TAPBPL: variants seen among roughly 807,000 people sequenced by gnomAD.
TAPBPL encodes tapasin-related protein.
TAPBPL carries 32 observed loss-of-function variants against 44.8 expected under a neutral mutation model. The ratio of observed to expected loss-of-function variants is 0.71; its 90% CI spans 0.54 to 0.96. TAPBPL has a LOEUF of 0.96. Among genes scored for constraint, TAPBPL ranks in the 40% least tolerant of loss-of-function variants. TAPBPL has a pLI of 0.00. For synonymous variants in TAPBPL, 230 were observed against 240.7 expected (o/e 0.96, Z 0.41); for missense variants, 520 against 586.6 (o/e 0.89, Z 1.17).
downstream of TAPBPL, among the ~76,000 whole-genome samples, chr12:6,468,713 C>G (rs1322355223): frequency 1.3e-5 from 2 of 152,146 alleles, no homozygotes; most frequent in Admixed American, 6.6e-5. Flanking sequence ...AGTGTGTGGT[C>G]TTCAAGACAA....
intron 6 of TAPBPL, 24 bp from the exon 7 acceptor site, chr12:6,462,010 C>A: frequency 6.3e-7 from 1 of 1,597,540 alleles, no homozygotes; most frequent in Non-Finnish European, 8.6e-7. Context: ...CACGCAACTT[C>A]CTGTCTTCAC....
chr12:6,452,374 C>T, intron 1 of TAPBPL, 62 bp downstream of exon 1: 1 of 1,533,576 alleles, frequency 6.5e-7, no homozygotes, highest in Non-Finnish European at 8.8e-7. Context: ...CAGGGTGCCA[C>T]CCTCCCCGAG....
At chr12:6,462,761 G>C, downstream of TAPBPL, 1 of 1,486,806 alleles carries the variant, frequency 6.7e-7, no homozygotes, top group South Asian at 1.3e-5. Flanking sequence ...TAGGCAAGGA[G>C]GAGCCCAGAG....
At chr12:6,462,985 G>T, downstream of TAPBPL, 1 of 1,551,190 alleles carries the variant, frequency 6.4e-7, no homozygotes, top group Non-Finnish European at 8.7e-7. Context: ...CGTGGACCGA[G>T]GGAAGAAGGA....
downstream of TAPBPL, among the ~76,000 whole-genome samples, chr12:6,468,986 GACTAATTACAATAGA>G (rs1945701229): frequency 6.6e-6 from 1 of 152,142 alleles, no homozygotes; most frequent in Admixed American, 6.5e-5. Flanking sequence ...GAAATTATTT[GACTAATTACAATAGA>G]ACTAATACCC....
At chr12:6,464,468 T>A, downstream of TAPBPL, 1 of 1,548,154 alleles carries the variant, frequency 6.5e-7, no homozygotes, top group East Asian at 2.4e-5. Context: ...GGTGGTACAT[T>A]CTCAAGTAAA....
At chr12:6,464,084 G>A, downstream of TAPBPL, 1 of 1,305,350 alleles carries the variant, frequency 7.7e-7, no homozygotes, top group Non-Finnish European at 1.0e-6. Context: ...AGGTTTTCTA[G>A]AAGTCACCAT....
chr12:6,453,040 G>A lies in TAPBPL; in HGVS notation c.65-27G>A, dbSNP rs375771929. 25 of 1,547,058 alleles carry A rather than the reference G, an allele frequency of 1.6e-5. No homozygotes were observed. The highest frequency in any genetic ancestry group is 1.4e-4 in the South Asian group (12 of 84,412). On this transcript the variant is annotated intron_variant, in intron 1 of 6. Transcript: ENST00000266556. This position sits in a 1 kb window ranked among gnomAD's most constrained non-coding sequence, Gnocchi z 4.8. Reference sequence around the variant, plus strand: ...TGTGGAGTAGCTTTCTGGGGAAGGCGGTGCTCACCCCAGCCTTTGTCTGCA... The same window carrying A: ...TGTGGAGTAGCTTTCTGGGGAAGGCAGTGCTCACCCCAGCCTTTGTCTGCA...
chr12:6,464,854 C>G (rs1205415365), downstream of TAPBPL: 1 of 1,613,750 alleles, frequency 6.2e-7, no homozygotes, highest in African/African-American at 1.3e-5. Context: ...GACCTTCCCA[C>G]CTCTTCACCC....
downstream of TAPBPL, chr12:6,464,474 G>C: frequency 6.5e-7 from 1 of 1,541,884 alleles, no homozygotes; most frequent in Non-Finnish European, 8.7e-7. Context: ...ACATTCTCAA[G>C]TAAAAAAGTA....
downstream of TAPBPL, chr12:6,464,886 T>C (rs149726934): frequency 6.2e-7 from 1 of 1,613,978 alleles, no homozygotes; most frequent in African/African-American, 1.3e-5. Flanking sequence ...TCAGCGATAC[T>C]TACTTACAAT....
At chr12:6,467,977 C>T (rs1015943175), downstream of TAPBPL, among the ~76,000 whole-genome samples, 15 of 152,374 alleles carry the variant, frequency 9.8e-5, no homozygotes, top group South Asian at 2.1e-4. Context: ...TGTATGGAAA[C>T]GCCTGGATGT....
intron 6 of TAPBPL, among the ~76,000 whole-genome samples, chr12:6,461,687 T>G (rs930789129): frequency 2.0e-5 from 3 of 152,184 alleles, no homozygotes; most frequent in Admixed American, 1.3e-4. Context: ...CAGCTGCAAT[T>G]AGGGTTCTGC....
chr12:6,463,739 A>G (rs1949937020), downstream of TAPBPL: 21 of 1,157,822 alleles, frequency 1.8e-5, no homozygotes, highest in Non-Finnish European at 1.9e-5. The surrounding 1 kb of genome is among the most constrained non-coding windows in gnomAD (Gnocchi z 4.0). Flanking sequence ...AAAGAAGAGA[A>G]AGCTCCTTCC....
chr12:6,452,805 T>C (rs545212201), intron 1 of TAPBPL, among the ~76,000 whole-genome samples: 1 of 152,144 alleles, frequency 6.6e-6, no homozygotes, highest in Admixed American at 6.5e-5. Flanking sequence ...TATTCAACAG[T>C]TGGAAATGCA....
intron 5 of TAPBPL, among the ~76,000 whole-genome samples, chr12:6,460,488 A>G (rs1949825649): frequency 6.6e-6 from 1 of 152,126 alleles, no homozygotes; most frequent in African/African-American, 2.4e-5. Flanking sequence ...GCTGGTCTCG[A>G]ACTCCTGACC....
downstream of TAPBPL, chr12:6,465,414 GTA>G (rs746403911): frequency 0.011 from 448 of 39,090 alleles, 7 homozygotes; most frequent in East Asian, 0.041. Context: ...GTATATATAT[GTA>G]TATATATATA....
downstream of TAPBPL, chr12:6,465,358 G>GTATA (rs10623425): frequency 1.4e-3 from 210 of 146,732 alleles, 5 homozygotes; most frequent in East Asian, 2.9e-3. Context: ...AAAGAAAAAA[G>GTATA]TATATATATA....
chr12:6,459,721 AGGTTTTATTTATTTATTTATTTATTT>A (rs1206922541), intron 5 of TAPBPL, among the ~76,000 whole-genome samples: 16 of 146,114 alleles, frequency 1.1e-4, no homozygotes, highest in African/African-American at 4.1e-4. Flanking sequence ...TGCTGTTGAA[AGGTTTTATTTATTTATTTATTTATTT>A]ATTTATTTAT....
Sources: allele counts gnomAD v4.1 joint callset (sites outside exome capture counted in the v4.1 genomes callset), GRCh38; gene constraint gnomAD v4.1.1; non-coding constraint Gnocchi (gnomAD v3.1); transcripts MANE v1.5; gene names NCBI Gene and HGNC (gene_info 2026-07-23, HGNC 2026-07-21).